The following ZEB1 variants were observed in gnomAD, a reference collection of about 807,000 sequenced individuals.
ZEB1 encodes the protein zinc finger E-box-binding homeobox 1.
Under a neutral mutation model 84.9 loss-of-function variants are expected in ZEB1, and 21 were observed. The observed-to-expected ratio is 0.25, with a 90% CI of 0.18 to 0.36. The LOEUF (loss-of-function observed/expected upper bound fraction) is 0.36. Ranked by LOEUF, ZEB1 falls within the 10% of genes least tolerant of loss-of-function variation. ZEB1 has a pLI of 1.00. For missense variants in ZEB1, 1,104 were observed against 1,330.2 expected, an observed-to-expected ratio of 0.83 and a Z score of 2.65; for synonymous variants, 420 against 471.1, an observed-to-expected ratio of 0.89 and a Z score of 1.41.
intron 1 of ZEB1, among the ~76,000 whole-genome samples, chr10:31,414,497 C>T (rs2054863252): frequency 6.6e-6 from 1 of 152,120 alleles, no homozygotes; most frequent in African/African-American, 2.4e-5. Context: ...CCTATAAAAA[C>T]ATAAATACTT....
Position 31,521,371 on chromosome 10 carries a change from G to T in ZEB1, c.2039G>T (p.Ser680Ile), listed in dbSNP as rs1273301388. 6.2e-7 allele frequency: 1 copy of T among 1,614,056 alleles called. No individual in the cohort carries two copies. Among genetic ancestry groups the T allele is most frequent in the South Asian group, 1.1e-5 (1 of 91,086 alleles). Residue 680 changes from serine to isoleucine, a missense_variant, in exon 7 of 9, where the codon AGT (serine) becomes ATT (isoleucine). This residue lies in a region of ZEB1 where 531 missense variants were observed against 575.2 expected (regional missense o/e 0.92). Transcript: ENST00000424869. Reference sequence around the variant, plus strand: ...CAGGACAGCACAGTAAATCTACAAAGTCCTTTGAAGATGACTAACTCCCCA... The same window carrying T: ...CAGGACAGCACAGTAAATCTACAAATTCCTTTGAAGATGACTAACTCCCCA... ...EPQDSTVNLQ[S>I]PLKMTNSPVL...
chr10:31,426,965 A>G lies in ZEB1; in HGVS notation c.59-34072A>G, dbSNP rs559898592. Among the ~76,000 whole-genome samples the G allele has an allele frequency of 7.6e-5, 10 of 131,320 alleles. No individual in the cohort carries two copies. In the East Asian group the frequency reaches 2.0e-3, roughly 27 times the overall value. The allele number at this position is 131,320 out of a possible 152,430, so 86.2% of individuals were successfully genotyped here. ...GAATATAGAAGACAGCTTTGTAGGA[A>G]AAAATTTCTTCTTAAATCATCTTTT... is the stretch of plus-strand genomic sequence containing the variant. On this transcript the variant is annotated intron_variant, in intron 1 of 8. Coordinates refer to ENST00000424869, the MANE Select transcript of ZEB1 (RefSeq NM_001174096.2).
At chr10:31,438,520 A>G (rs2058534708) in intron 1 of ZEB1, among the ~76,000 whole-genome samples, 1 of 152,208 alleles carries the variant, frequency 6.6e-6, no homozygotes. Context: ...CACCGTGATA[A>G]CAAATTCAAA....
At chr10:31,390,365 G>A (rs2049408165) in intron 1 of ZEB1, among the ~76,000 whole-genome samples, 1 of 152,052 alleles carries the variant, frequency 6.6e-6, no homozygotes, top group African/African-American at 2.4e-5. Flanking sequence ...TAAACTAGAA[G>A]ATATCTCTAG....
At chr10:31,445,517 G>T (rs1326904667) in intron 1 of ZEB1, among the ~76,000 whole-genome samples, 2 of 151,272 alleles carry the variant, frequency 1.3e-5, no homozygotes, top group African/African-American at 4.9e-5. Context: ...AATGCTTCCA[G>T]TTTTTGCCCA....
At chr10:31,452,457 G>A (rs968778694) in intron 1 of ZEB1, among the ~76,000 whole-genome samples, 3 of 152,058 alleles carry the variant, frequency 2.0e-5, no homozygotes, top group Non-Finnish European at 4.4e-5. Flanking sequence ...ATTATATGCA[G>A]AAGTTTTCTC....
At chr10:31,323,964 C>CGTGT (rs3057772) in intron 1 of ZEB1, among the ~76,000 whole-genome samples, 3,155 of 146,384 alleles carry the variant, frequency 0.022, 38 homozygotes, top group African/African-American at 0.035. Context: ...CATGGTTCTT[C>CGTGT]GTGTGTGTGT....
chr10:31,450,145 G>T (rs1349948910), intron 1 of ZEB1, among the ~76,000 whole-genome samples: 4 of 152,162 alleles, frequency 2.6e-5, no homozygotes, highest in Non-Finnish European at 5.9e-5. Flanking sequence ...TGAATTTATA[G>T]AAAAATTTAG....
At chr10:31,523,571 C>A (rs2072811665) in intron 7 of ZEB1, among the ~76,000 whole-genome samples, 2 of 152,196 alleles carry the variant, frequency 1.3e-5, no homozygotes, top group Admixed American at 1.3e-4. Flanking sequence ...TAAGTTAAAA[C>A]CTTCTGCAAA....
At chr10:31,402,462 G>T (rs1001230976) in intron 1 of ZEB1, among the ~76,000 whole-genome samples, 16 of 152,030 alleles carry the variant, frequency 1.1e-4, no homozygotes, top group Admixed American at 6.6e-5. Context: ...AGTTTGAAAG[G>T]AAGCCTGACT....
rs2071962930 is a variant in ZEB1 at position 31,520,016 on chromosome 10, A to G, written c.794-110A>G. ...AAATACAGTTCTGTCACAAGCATGC[A>G]TGGCAGTCTTCTTTTTAAAATTGAT... On this transcript the variant is annotated intron_variant, in intron 6 of 8. Coordinates refer to ENST00000424869, the MANE Select transcript of ZEB1 (RefSeq NM_001174096.2). This position sits in a 1 kb window ranked among gnomAD's most constrained non-coding sequence, Gnocchi z 5.1. The G allele has an allele frequency of 4.4e-6, 6 of 1,378,970 alleles. No homozygotes were observed. The highest frequency in any genetic ancestry group is 5.0e-6 in the Non-Finnish European group (5 of 1,009,566). The allele number at this position is 1,378,970 out of a possible 1,614,324, so 85.4% of individuals were successfully genotyped here.
intron 1 of ZEB1, among the ~76,000 whole-genome samples, chr10:31,390,642 A>G (rs756737801): frequency 6.6e-6 from 1 of 152,206 alleles, no homozygotes; most frequent in African/African-American, 2.4e-5. Flanking sequence ...ATTTCAAGGT[A>G]TTTTCCTACC....
At chr10:31,371,486 A>G (rs1431118744) in intron 1 of ZEB1, among the ~76,000 whole-genome samples, 1 of 152,212 alleles carries the variant, frequency 6.6e-6, no homozygotes, top group African/African-American at 2.4e-5. Flanking sequence ...GCTAAATAAG[A>G]AAAACGTCGT....
At chr10:31,390,290 G>A (rs1226152935) in intron 1 of ZEB1, among the ~76,000 whole-genome samples, 2 of 152,070 alleles carry the variant, frequency 1.3e-5, no homozygotes, top group Admixed American at 6.6e-5. Context: ...GAATCTTGGA[G>A]GACTAGAAAA....
At chr10:31,389,925 C>T (rs2049323722) in intron 1 of ZEB1, among the ~76,000 whole-genome samples, 1 of 152,046 alleles carries the variant, frequency 6.6e-6, no homozygotes, top group Non-Finnish European at 1.5e-5. Flanking sequence ...AATAGCCGCA[C>T]GTGGCTAGTA....
intron 2 of ZEB1, among the ~76,000 whole-genome samples, chr10:31,467,869 G>C (rs1564986507): frequency 6.6e-6 from 1 of 152,138 alleles, no homozygotes; most frequent in Admixed American, 6.5e-5. Flanking sequence ...AGGGAGTCTT[G>C]CATTCTGGAA....
In ZEB1 at chr10:31,527,579, G is replaced by T; in HGVS notation, c.*315G>T. 3.1e-6 allele frequency: 1 copy of T among 325,108 alleles called. No individual in the cohort carries two copies. The allele number at this position is 325,108 out of a possible 1,614,324, so 20.1% of individuals were successfully genotyped here. A position where few individuals can be genotyped will look rare whatever the true frequency, so the allele number is the denominator to read the frequency against. On this transcript the variant is annotated 3_prime_UTR_variant, in exon 9 of 9. Coordinates refer to ENST00000424869, the MANE Select transcript of ZEB1 (RefSeq NM_001174096.2). ...AATGACTCAGAGAGCAACAATACAA[G>T]AGGTTAAAGGAAGCTGATTAATTAG...
chr10:31,412,409 C>T (rs2054472364), intron 1 of ZEB1, among the ~76,000 whole-genome samples: 1 of 152,166 alleles, frequency 6.6e-6, no homozygotes, highest in African/African-American at 2.4e-5. Flanking sequence ...TCCCTCCCCA[C>T]TCCCTCTACC....
chr10:31,492,439 C>T (rs949436321), intron 2 of ZEB1, among the ~76,000 whole-genome samples: 30 of 151,878 alleles, frequency 2.0e-4, no homozygotes, highest in Admixed American at 1.2e-3. Context: ...TCAGTAGGAC[C>T]GGCGTATTAA....
Sources: gnomAD v4.1 joint callset for allele counts (sites outside exome capture counted in the v4.1 genomes callset) on GRCh38, gnomAD v4.1.1 for gene constraint, gnomAD v4.1.1 regional missense constraint, Gnocchi (gnomAD v3.1) non-coding constraint, MANE v1.5 for transcripts, NCBI Gene and HGNC (gene_info 2026-07-23, HGNC 2026-07-21) for gene names.